Variants in PCDHA6 observed in about 807,000 individuals in gnomAD.
The protein encoded by PCDHA6 is protocadherin alpha-6.
In PCDHA6, 55 loss-of-function variants were observed where a neutral mutation model predicts 60.3. That is an observed-to-expected ratio of 0.91 (90% CI 0.73 to 1.14). The LOEUF is 1.14. PCDHA6 is among the 50% of genes most tolerant of loss of function. The probability of loss-of-function intolerance (pLI) is 0.00; values close to 1 mark genes in which losing one functional copy is unlikely to be tolerated. For missense variants in PCDHA6, 1,327 were observed against 1,256.5 expected (o/e 1.06, Z -0.85); for synonymous variants, 652 against 557.9 (o/e 1.17, Z -2.38).
intron 1 of PCDHA6, chr5:140,966,755 C>T (rs1554228616): frequency 7.0e-7 from 1 of 1,434,520 alleles, no homozygotes; most frequent in Admixed American, 2.7e-5. Context: ...GCCTCCGCCG[C>T]GGCCAGTGGC....
intron 1 of PCDHA6, among the ~76,000 whole-genome samples, chr5:140,894,207 A>G (rs962841413): frequency 3.9e-5 from 6 of 152,012 alleles, no homozygotes; most frequent in African/African-American, 1.4e-4. Flanking sequence ...ATGCTATTAT[A>G]TTCTCATTTT....
chr5:140,894,886 G>T (rs2153448289), intron 1 of PCDHA6, among the ~76,000 whole-genome samples: 1 of 152,202 alleles, frequency 6.6e-6, no homozygotes, highest in South Asian at 2.1e-4. Flanking sequence ...AGAAGAAACA[G>T]ACCAGGATAA....
At chr5:140,842,004 T>G (rs1554138709) in intron 1 of PCDHA6, 6 of 1,613,692 alleles carry the variant, frequency 3.7e-6, no homozygotes, top group Non-Finnish European at 5.1e-6. Context: ...ACTGTTCAGC[T>G]GCTGGTCACA....
chr5:140,883,004 G>A (rs1554176457), intron 1 of PCDHA6: 1 of 1,614,118 alleles, frequency 6.2e-7, no homozygotes, highest in East Asian at 2.2e-5. Flanking sequence ...TTACCAATCC[G>A]TTTATAAAGT....
At position 140,857,921 on chromosome 5, in the gene PCDHA6, C is replaced by A. The variant is rs1554150855; in HGVS notation, c.2394+27436C>A. On this transcript the variant is annotated intron_variant, in intron 1 of 3. Coordinates refer to ENST00000529310, the MANE Select transcript of PCDHA6 (RefSeq NM_018909.4). ...TGCACGCATCCCGTTTCGCGTGGGG[C>A]TGTACACGGGCGAGATCAGTACGAC... 4 of 1,597,628 alleles carry A rather than the reference C, an allele frequency of 2.5e-6. No homozygotes were observed. The Admixed American group carries it at 6.7e-5, about 27-fold the overall frequency.
chr5:140,859,512 T>A, intron 1 of PCDHA6: 1 of 196,766 alleles, frequency 5.1e-6, no homozygotes, highest in South Asian at 1.4e-4. Context: ...TACCCATGAT[T>A]TCATTTTTAA....
chr5:140,929,306 A>G lies in PCDHA6; in HGVS notation c.2395-49643A>G, dbSNP rs781950847. 9 of 1,572,580 alleles carry G rather than the reference A, an allele frequency of 5.7e-6. No homozygotes were observed. The Admixed American group carries it at 9.0e-5, about 16-fold the overall frequency. On this transcript the variant is annotated intron_variant, in intron 1 of 3. Coordinates refer to ENST00000529310, the MANE Select transcript of PCDHA6 (RefSeq NM_018909.4). The stretch of plus-strand genomic sequence containing the variant: ...CAGATTCGGAATAGGAAAGGGGATC[A>G]CGCTAATGTCAATGCCATGGTAAGC...
At chr5:140,863,444 G>T in intron 1 of PCDHA6, 4 of 585,532 alleles carry the variant, frequency 6.8e-6, no homozygotes, top group South Asian at 1.4e-5. Flanking sequence ...GGTCTTACTC[G>T]CAGCAAAGGA....
intron 1 of PCDHA6, among the ~76,000 whole-genome samples, chr5:140,899,689 C>A (rs1033793263): frequency 4.6e-5 from 7 of 152,254 alleles, no homozygotes; most frequent in Admixed American, 4.6e-4. Flanking sequence ...ATGATGCTGG[C>A]CTCATAAAAT....
Position 140,932,015 on chromosome 5 carries a change from C to T in PCDHA6, c.2395-46934C>T, listed in dbSNP as rs150185692. Reference sequence around the variant, plus strand: ...TTCTAAGTTCTTTCATTTTAGTTTACGGTAAGTTTACAGTATATATTAACA... The same window carrying T: ...TTCTAAGTTCTTTCATTTTAGTTTATGGTAAGTTTACAGTATATATTAACA... On this transcript the variant is annotated intron_variant, in intron 1 of 3. Coordinates refer to ENST00000529310, the MANE Select transcript of PCDHA6 (RefSeq NM_018909.4). Among the ~76,000 whole-genome samples, 8 of 151,784 alleles carry T rather than the reference C, an allele frequency of 5.3e-5. No homozygotes were observed. The East Asian group carries it at 5.8e-4, about 11-fold the overall frequency.
chr5:140,858,039 T>C lies in PCDHA6; in HGVS notation c.2394+27554T>C, dbSNP rs782597618. On this transcript the variant is annotated intron_variant, in intron 1 of 3. Transcript: ENST00000529310. ...CCGTCGCTGACGGCCACGGCCACTG[T>C]GCTTGTGTCGCTTGTGGAGGGCAGC... 1.1e-5 allele frequency: 18 copies of C among 1,596,560 alleles called. 2 individuals are homozygous for C. The highest frequency in any genetic ancestry group is 5.5e-5 in the South Asian group (5 of 90,506).
At chr5:140,927,381 A>G in intron 1 of PCDHA6, 2 of 1,614,102 alleles carry the variant, frequency 1.2e-6, no homozygotes, top group Non-Finnish European at 1.7e-6. Flanking sequence ...GCTACAGCCT[A>G]AGCCCCAGTC....
intron 1 of PCDHA6, chr5:140,876,114 A>G: frequency 2.5e-6 from 4 of 1,613,960 alleles, no homozygotes; most frequent in Non-Finnish European, 3.4e-6. Context: ...TGCTGATGGT[A>G]ATCGATGGCG....
At chr5:140,883,244 G>C in intron 1 of PCDHA6, 3 of 1,614,014 alleles carry the variant, frequency 1.9e-6, no homozygotes, top group Non-Finnish European at 2.5e-6. Context: ...AGTTGACAAA[G>C]GAAATATTCC....
rs2150469634 is a variant in PCDHA6, at chr5:140,850,145, G to A, written c.2394+19660G>A. 7 of 1,595,444 alleles carry A rather than the reference G, an allele frequency of 4.4e-6. No individual in the cohort carries two copies. The African/African-American group carries it at 5.4e-5, about 12-fold the overall frequency. ...TGCCGCCTCTGGGCAGCAACGTGACGCTGCAGGTGTTCGTGCTGGACGAGA... is the reference window on the plus strand; with the variant it reads ...TGCCGCCTCTGGGCAGCAACGTGACACTGCAGGTGTTCGTGCTGGACGAGA... On this transcript the variant is annotated intron_variant, in intron 1 of 3. Coordinates refer to ENST00000529310, the MANE Select transcript of PCDHA6 (RefSeq NM_018909.4).
chr5:140,983,340 A>AG (rs2097043854), intron 3 of PCDHA6, among the ~76,000 whole-genome samples: 1 of 152,240 alleles, frequency 6.6e-6, no homozygotes, highest in African/African-American at 2.4e-5. Flanking sequence ...TCACTAAAGC[A>AG]GGGTCATGTA....
At chr5:140,964,482 G>A (rs1554227054) in intron 1 of PCDHA6, among the ~76,000 whole-genome samples, 1 of 152,144 alleles carries the variant, frequency 6.6e-6, no homozygotes, top group African/African-American at 2.4e-5. Flanking sequence ...TTTTTTCACA[G>A]TCACAGGTCT....
rs1299003245 is a variant in PCDHA6, at chr5:140,846,734, T to A, written c.2394+16249T>A. Among the ~76,000 whole-genome samples, 2 of 149,288 alleles carry A rather than the reference T, an allele frequency of 1.3e-5. 1 individual carries two copies. The highest frequency in any genetic ancestry group is 3.0e-5 in the Non-Finnish European group (2 of 66,808). On this transcript the variant is annotated intron_variant, in intron 1 of 3. Transcript: ENST00000529310. ...TAACCAGTCTTCATTAAACATTAAA[T>A]AGGACCCTTACAGATCTCTAACAGC...
chr5:140,835,847 G>A (rs140727991), intron 1 of PCDHA6: 20 of 1,612,228 alleles, frequency 1.2e-5, no homozygotes, highest in Non-Finnish European at 1.7e-5. Flanking sequence ...AGAAGAACGC[G>A]CTGGTGTCCT....
Sources: allele counts gnomAD v4.1 joint callset (sites outside exome capture counted in the v4.1 genomes callset), GRCh38; gene constraint gnomAD v4.1.1; transcripts MANE v1.5; gene names NCBI Gene and HGNC (gene_info 2026-07-23, HGNC 2026-07-21).